MCTP1: variants seen among roughly 807,000 people sequenced by gnomAD.
MCTP1 encodes multiple C2 and transmembrane domain-containing protein 1.
In MCTP1, 69 loss-of-function variants were observed where a neutral mutation model predicts 120.6. That is an observed-to-expected ratio of 0.57 (90% confidence interval 0.47 to 0.70). MCTP1 has a LOEUF of 0.70. MCTP1 is among the 30% of genes least tolerant of loss of function. The probability of loss-of-function intolerance (pLI) is 0.00; values close to 1 mark genes in which losing one functional copy is unlikely to be tolerated. For synonymous variants in MCTP1, 529 were observed against 493.1 expected (o/e 1.07, Z -0.96); for missense variants, 1,203 against 1,248.8 (o/e 0.96, Z 0.55).
intron 1 of MCTP1, among the ~76,000 whole-genome samples, chr5:95,174,060 A>ACCTTTGGTGAAGGCCCATTCTCCTGCC: frequency 6.6e-6 from 1 of 152,144 alleles, no homozygotes; most frequent in African/African-American, 2.4e-5. Context: ...AAGGCCCAAT[A>ACCTTTGGTGAAGGCCCATTCTCCTGCC]TCAAATTGGC....
chr5:95,090,314 T>G (rs1257331693), intron 1 of MCTP1, among the ~76,000 whole-genome samples: 1 of 152,164 alleles, frequency 6.6e-6, no homozygotes, highest in East Asian at 1.9e-4. Context: ...TGGCCAATAC[T>G]TCAATTAAAA....
chr5:95,250,500 G>T (rs186362579), intron 1 of MCTP1, among the ~76,000 whole-genome samples: 77 of 152,250 alleles, frequency 5.1e-4, no homozygotes, highest in African/African-American at 1.6e-3. Context: ...GAGGAGAGGA[G>T]ACGGTTTTTA....
intron 1 of MCTP1, among the ~76,000 whole-genome samples, chr5:95,233,218 A>C (rs1562262267): frequency 6.6e-6 from 1 of 152,228 alleles, no homozygotes; most frequent in East Asian, 1.9e-4. Context: ...ATTTAAAGGG[A>C]TCCATATTGT....
intron 1 of MCTP1, among the ~76,000 whole-genome samples, chr5:95,231,923 T>C (rs1479411600): frequency 2.6e-5 from 4 of 152,104 alleles, no homozygotes; most frequent in Non-Finnish European, 4.4e-5. Flanking sequence ...CTGTAGAGTA[T>C]AAAACCTAAA....
chr5:94,828,467 A>T (rs1157997566), intron 17 of MCTP1, among the ~76,000 whole-genome samples: 2 of 152,244 alleles, frequency 1.3e-5, no homozygotes, highest in African/African-American at 4.8e-5. Context: ...GTCCCTTGGC[A>T]GAGCTTGAGC....
intron 17 of MCTP1, among the ~76,000 whole-genome samples, chr5:94,801,861 C>T (rs1022970430): frequency 1.3e-5 from 2 of 152,232 alleles, no homozygotes; most frequent in Non-Finnish European, 2.9e-5. Flanking sequence ...TCACCACTTG[C>T]TTCAAGCATC....
chr5:95,247,671 G>T (rs550016916), intron 1 of MCTP1, among the ~76,000 whole-genome samples: 1 of 152,180 alleles, frequency 6.6e-6, no homozygotes, highest in Non-Finnish European at 1.5e-5. Context: ...TCAGGAGCAG[G>T]TTGTTCAGTT....
rs186488823 is a variant in MCTP1, at chr5:94,939,939, T to G, written c.1173+145A>C. 8.5e-4 allele frequency: 396 copies of G among 465,210 alleles called. 3 individuals are homozygous for G. The East Asian group carries it at 0.011, about 12-fold the overall frequency. 28.8% of individuals were successfully genotyped at this position (465,210 alleles called of 1,614,324 possible). A position where few individuals can be genotyped will look rare whatever the true frequency, so the allele number is the denominator to read the frequency against. On this transcript the variant is annotated intron_variant, in intron 5 of 22. Transcript: ENST00000515393. ...GTTGAAAAGATACAGTAAGCATGAA[T>G]GAGCAATACCTAGGATACTCACAGA... is the stretch of plus-strand genomic sequence containing the variant.
At chr5:95,217,615 G>A in intron 1 of MCTP1, among the ~76,000 whole-genome samples, 1 of 152,088 alleles carries the variant, frequency 6.6e-6, no homozygotes, top group East Asian at 1.9e-4. Context: ...AGAACAATGG[G>A]GCATTAAATG....
At chr5:95,163,779 G>A (rs920585557) in intron 1 of MCTP1, among the ~76,000 whole-genome samples, 5 of 152,112 alleles carry the variant, frequency 3.3e-5, no homozygotes, top group African/African-American at 9.7e-5. Flanking sequence ...CTAATCAGCC[G>A]TGTGGTCTTG....
At chr5:94,794,329 C>A (rs1268122586) in intron 18 of MCTP1, among the ~76,000 whole-genome samples, 1 of 152,202 alleles carries the variant, frequency 6.6e-6, no homozygotes, top group Non-Finnish European at 1.5e-5. Flanking sequence ...GGACTCTTCC[C>A]ATGCTCACCT....
chr5:94,787,639 C>T (rs1418503474), intron 18 of MCTP1, among the ~76,000 whole-genome samples: 1 of 146,542 alleles, frequency 6.8e-6, no homozygotes, highest in Non-Finnish European at 1.5e-5. Context: ...TTTTTTGAGA[C>T]GGCGTCTCCC....
chr5:95,191,771 G>A (rs752212813), intron 1 of MCTP1, among the ~76,000 whole-genome samples: 2 of 151,932 alleles, frequency 1.3e-5, no homozygotes, highest in Non-Finnish European at 2.9e-5. Flanking sequence ...TGCTACAAGT[G>A]CATTATTGTA....
chr5:95,231,351 T>TAC (rs1190573191), intron 1 of MCTP1, among the ~76,000 whole-genome samples: 2 of 152,064 alleles, frequency 1.3e-5, no homozygotes. Flanking sequence ...TATATATATA[T>TAC]ACACATATAT....
At chr5:95,065,574 G>T (rs1750438115) in intron 1 of MCTP1, among the ~76,000 whole-genome samples, 1 of 152,140 alleles carries the variant, frequency 6.6e-6, no homozygotes, top group African/African-American at 2.4e-5. Flanking sequence ...TTAATTTTAA[G>T]AAAATCTAGC....
At chr5:94,975,028 C>T (rs1268478378) in intron 2 of MCTP1, among the ~76,000 whole-genome samples, 3 of 152,114 alleles carry the variant, frequency 2.0e-5, no homozygotes, top group African/African-American at 7.2e-5. Context: ...CAAAATCTTA[C>T]GATTGTTTTT....
chr5:94,867,259 T>C (rs1581109869), intron 17 of MCTP1: 3 of 1,504,412 alleles, frequency 2.0e-6, no homozygotes, highest in East Asian at 2.5e-5. Flanking sequence ...TTGCTTTCTT[T>C]AGGGAGACAA....
At chr5:95,216,276 G>A (rs1753025001) in intron 1 of MCTP1, among the ~76,000 whole-genome samples, 1 of 152,178 alleles carries the variant, frequency 6.6e-6, no homozygotes, top group Non-Finnish European at 1.5e-5. Flanking sequence ...GCAAGCTTGT[G>A]CTGGCAGAAT....
intron 10 of MCTP1, among the ~76,000 whole-genome samples, chr5:94,897,319 C>G (rs890366281): frequency 3.3e-5 from 5 of 151,300 alleles, no homozygotes; most frequent in Admixed American, 6.6e-5. Context: ...AGCAATCCAC[C>G]TGGCTCGGCA....
Sources: gnomAD v4.1 joint callset for allele counts (sites outside exome capture counted in the v4.1 genomes callset) on GRCh38, gnomAD v4.1.1 for gene constraint, MANE v1.5 for transcripts, NCBI Gene and HGNC (gene_info 2026-07-23, HGNC 2026-07-21) for gene names.